The following ADAM22 variants were observed in gnomAD, a reference collection of about 807,000 sequenced individuals.
ADAM22 encodes the protein ADAM metallopeptidase domain 22.
A neutral mutation model predicts 144.6 loss-of-function variants in ADAM22; 65 were observed. That is an observed-to-expected ratio of 0.45 (90% CI 0.37 to 0.55). ADAM22 has a LOEUF of 0.55. Ranked by LOEUF, ADAM22 falls within the 20% of genes least tolerant of loss-of-function variation. The pLI, the probability that ADAM22 is intolerant of heterozygous loss-of-function variation, is 0.00. For synonymous variants in ADAM22, 391 were observed against 412.6 expected, an observed-to-expected ratio of 0.95 and a Z score of 0.63; for missense variants, 974 against 1,184.9, an observed-to-expected ratio of 0.82 and a Z score of 2.61.
At chr7:88,128,520 T>C in intron 8 of ADAM22, 82 bp from the exon 9 acceptor site, 1 of 1,135,164 alleles carries the variant, frequency 8.8e-7, no homozygotes, top group Non-Finnish European at 1.3e-6. Context: ...TTTTGTTTTG[T>C]CAGTTTCTTC....
intron 4 of ADAM22, among the ~76,000 whole-genome samples, chr7:88,091,827 C>T (rs911803572): frequency 2.0e-5 from 3 of 152,094 alleles, no homozygotes; most frequent in African/African-American, 7.2e-5. Context: ...ATTTGTAATT[C>T]ACCGTCTCTT....
rs1028081481 is a variant in ADAM22 at position 88,200,896 on chromosome 7, G to C, written c.*4405G>C. The C allele has an allele frequency of 6.6e-6, 1 of 152,250 alleles. No individual in the cohort carries two copies. The highest frequency in any genetic ancestry group is 2.4e-5 in the African/African-American group (1 of 41,460). The allele number at this position is 152,250 out of a possible 1,614,324, so 9.4% of individuals were successfully genotyped here. On this transcript the variant is annotated 3_prime_UTR_variant, in exon 32 of 32. Transcript: ENST00000413139. ...TCCCATTGATAGTATAATATAATGA[G>C]GGGCCCAGTCTGCTCTTGTGAAAAT...
intron 2 of ADAM22, among the ~76,000 whole-genome samples, chr7:87,965,144 G>A (rs1236672206): frequency 1.3e-5 from 2 of 152,070 alleles, no homozygotes; most frequent in African/African-American, 2.4e-5. Flanking sequence ...GGTTCTTGTC[G>A]CTAGAATTCT....
chr7:88,009,903 A>C (rs1794965634), intron 3 of ADAM22, among the ~76,000 whole-genome samples: 1 of 152,216 alleles, frequency 6.6e-6, no homozygotes, highest in Admixed American at 6.5e-5. Flanking sequence ...TGCTAAGGCC[A>C]GCAGTAACTT....
At chr7:88,062,501 A>G (rs1333826255) in intron 3 of ADAM22, among the ~76,000 whole-genome samples, 1 of 152,230 alleles carries the variant, frequency 6.6e-6, no homozygotes, top group Non-Finnish European at 1.5e-5. Flanking sequence ...TTAAGGGAAT[A>G]TGTGGCTGGT....
chr7:88,105,531 CA>C (rs1824138245), intron 4 of ADAM22, among the ~76,000 whole-genome samples: 1 of 152,150 alleles, frequency 6.6e-6, no homozygotes, highest in African/African-American at 2.4e-5. Flanking sequence ...TCCAACAGCC[CA>C]ACACACATTA....
intron 4 of ADAM22, among the ~76,000 whole-genome samples, chr7:88,079,010 T>C (rs1409043911): frequency 2.0e-5 from 3 of 152,152 alleles, no homozygotes; most frequent in Non-Finnish European, 2.9e-5. Context: ...ACAAAGATAC[T>C]GCTCGAGAAG....
chr7:88,193,233 T>C lies in ADAM22; in HGVS notation c.2868T>C (p.Ser956=). ...PDEDKKVNRQ[S]ARLWETSI ...AGGACAAGAAAGTGAACCGACAAAG[T>C]GCCAGGGTATGTGGAAACCTCTTCC... The change falls in exon 31 of 32, where the codon AGT becomes AGC. Residue 956 remains serine (S), a synonymous_variant. Transcript: ENST00000413139. 2 of 1,613,902 alleles carry C rather than the reference T, an allele frequency of 1.2e-6. No individual in the cohort carries two copies. Among genetic ancestry groups the C allele is most frequent in the Non-Finnish European group, 8.5e-7 (1 of 1,179,884 alleles).
At chr7:88,169,477 C>T (rs1214439836) in intron 25 of ADAM22, among the ~76,000 whole-genome samples, 2 of 152,018 alleles carry the variant, frequency 1.3e-5, no homozygotes, top group Non-Finnish European at 2.9e-5. Flanking sequence ...TAATTGCTCT[C>T]CCTTTTCAGC....
intron 3 of ADAM22, among the ~76,000 whole-genome samples, chr7:88,040,971 C>T (rs764530703): frequency 3.9e-5 from 6 of 151,928 alleles, no homozygotes; most frequent in Non-Finnish European, 8.8e-5. Flanking sequence ...GTCCAATGGC[C>T]CCTTCCATAG....
At chr7:88,178,907 T>C (rs200179435) in intron 26 of ADAM22, 28 bp from the exon 27 acceptor site, 1 of 1,485,444 alleles carries the variant, frequency 6.7e-7, no homozygotes. Context: ...TCTTGTTTTC[T>C]GACTCTGAAA....
chr7:87,994,973 G>T (rs556072059), intron 3 of ADAM22, among the ~76,000 whole-genome samples: 2 of 152,222 alleles, frequency 1.3e-5, no homozygotes, highest in South Asian at 2.1e-4. Flanking sequence ...GAATACAGGC[G>T]CCTGCCACCG....
At chr7:88,136,632 G>A (rs971695925) in intron 14 of ADAM22, among the ~76,000 whole-genome samples, 7 of 151,620 alleles carry the variant, frequency 4.6e-5, no homozygotes, top group African/African-American at 1.7e-4. Flanking sequence ...TTTATTCCAA[G>A]CTTATCATTA....
intron 3 of ADAM22, among the ~76,000 whole-genome samples, chr7:88,050,848 A>T (rs1806122469): frequency 6.6e-6 from 1 of 152,212 alleles, no homozygotes; most frequent in South Asian, 2.1e-4. Context: ...TGCTGTGCAG[A>T]AGCTCTTTAG....
intron 3 of ADAM22, among the ~76,000 whole-genome samples, chr7:87,986,574 G>T (rs1340033851): frequency 6.6e-6 from 1 of 152,188 alleles, no homozygotes; most frequent in Non-Finnish European, 1.5e-5. Context: ...CAAACTCATG[G>T]GTGAGGAGGA....
chr7:88,128,799 C>A, intron 9 of ADAM22, 123 bp downstream of exon 9: 1 of 662,374 alleles, frequency 1.5e-6, no homozygotes, highest in Non-Finnish European at 2.5e-6. Context: ...TTTGTATAAT[C>A]AAATATATTT....
chr7:88,017,564 ACTTTTT>A (rs1486896859), intron 3 of ADAM22, among the ~76,000 whole-genome samples: 1 of 152,116 alleles, frequency 6.6e-6, no homozygotes, highest in African/African-American at 2.4e-5. Flanking sequence ...TAGGGCTGGC[ACTTTTT>A]CTTTTTGATT....
chr7:88,191,619 A>G (rs990487227), intron 30 of ADAM22, among the ~76,000 whole-genome samples: 2 of 152,208 alleles, frequency 1.3e-5, no homozygotes, highest in African/African-American at 4.8e-5. Context: ...GTTTTTCTAA[A>G]ATAAAATAAT....
intron 10 of ADAM22, 74 bp downstream of exon 10, chr7:88,130,533 A>ATTCTT (rs568760573): frequency 1.6e-5 from 23 of 1,446,712 alleles, no homozygotes; most frequent in Non-Finnish European, 2.2e-5. Context: ...GGATAATATG[A>ATTCTT]TTCTTATAGT....
Sources: allele counts gnomAD v4.1 joint callset (sites outside exome capture counted in the v4.1 genomes callset), GRCh38; gene constraint gnomAD v4.1.1; transcripts MANE v1.5; gene names NCBI Gene and HGNC (gene_info 2026-07-23, HGNC 2026-07-21).